DLC1: variants seen among roughly 807,000 people sequenced by gnomAD.
DLC1 encodes the protein DLC1 Rho GTPase activating protein, also known as rho GTPase-activating protein 7.
In DLC1, 54 loss-of-function variants were observed where a neutral mutation model predicts 140.3. That is an observed-to-expected ratio of 0.38 (90% CI 0.31 to 0.48). The LOEUF (loss-of-function observed/expected upper bound fraction) is 0.48. Among genes scored for constraint, DLC1 ranks in the 20% least tolerant of loss-of-function variants. The pLI, the probability that DLC1 is intolerant of heterozygous loss-of-function variation, is 0.96. For missense variants in DLC1, 2,536 were observed against 1,907.0 expected (o/e 1.33, Z -6.14); for synonymous variants, 986 against 728.1 (o/e 1.35, Z -5.70).
intron 5 of DLC1, among the ~76,000 whole-genome samples, chr8:13,275,697 A>G (rs1164308572): frequency 6.6e-6 from 1 of 152,116 alleles, no homozygotes; most frequent in African/African-American, 2.4e-5. Context: ...GCTTTATTAT[A>G]TTTCAAACGC....
At chr8:13,511,543 T>G (rs1182823900) in intron 1 of DLC1, among the ~76,000 whole-genome samples, 1 of 152,166 alleles carries the variant, frequency 6.6e-6, no homozygotes, top group Non-Finnish European at 1.5e-5. Flanking sequence ...GTAAACACTG[T>G]ATTTCTCTAT....
At chr8:13,142,072 C>G (rs773520738) in intron 5 of DLC1, among the ~76,000 whole-genome samples, 1 of 152,172 alleles carries the variant, frequency 6.6e-6, no homozygotes, top group African/African-American at 2.4e-5. Flanking sequence ...TAAATGGTAG[C>G]TTTTTCCCAC....
chr8:13,239,820 T>G (rs924258150), intron 5 of DLC1, among the ~76,000 whole-genome samples: 1 of 152,196 alleles, frequency 6.6e-6, no homozygotes, highest in Non-Finnish European at 1.5e-5. Flanking sequence ...GTAACCCAGA[T>G]AGAAATGCAC....
At chr8:13,450,773 G>T (rs1799002306) in intron 2 of DLC1, among the ~76,000 whole-genome samples, 1 of 151,898 alleles carries the variant, frequency 6.6e-6, no homozygotes, top group Admixed American at 6.6e-5. Context: ...AGGCGCGGTG[G>T]CTCATGCCTG....
intron 2 of DLC1, among the ~76,000 whole-genome samples, chr8:13,434,966 C>G (rs1839052547): frequency 6.6e-6 from 1 of 152,098 alleles, no homozygotes; most frequent in African/African-American, 2.4e-5. Flanking sequence ...AGGCGTGACC[C>G]CCCCCGGCTC....
At chr8:13,274,574 G>A (rs944425980) in intron 5 of DLC1, among the ~76,000 whole-genome samples, 5 of 152,140 alleles carry the variant, frequency 3.3e-5, no homozygotes, top group African/African-American at 4.8e-5. Flanking sequence ...TTGCTGTTAT[G>A]TTTTGACTCC....
intron 5 of DLC1, among the ~76,000 whole-genome samples, chr8:13,250,060 C>T (rs546667009): frequency 6.6e-6 from 1 of 152,274 alleles, no homozygotes; most frequent in Admixed American, 6.5e-5. Context: ...GACAGTGAGA[C>T]CCTTCAGGGC....
At chr8:13,594,383 C>T (rs1366875998) in intron 1 of DLC1, among the ~76,000 whole-genome samples, 1 of 151,986 alleles carries the variant, frequency 6.6e-6, no homozygotes. Context: ...GTTTCTATGG[C>T]CATTGTTTTG....
intron 7 of DLC1, among the ~76,000 whole-genome samples, chr8:13,109,585 CA>C (rs987569652): frequency 8.9e-5 from 11 of 123,200 alleles, no homozygotes; most frequent in Non-Finnish European, 1.7e-4. Context: ...AAATAAAAAA[CA>C]GAACAAAAAA....
chr8:13,521,549 C>G (rs1371355983), intron 1 of DLC1, among the ~76,000 whole-genome samples: 1 of 152,182 alleles, frequency 6.6e-6, no homozygotes, highest in African/African-American at 2.4e-5. Flanking sequence ...TGCCTGTCTT[C>G]AGTCCCCTCA....
chr8:13,579,245 C>CATATATATATATATATATATATATAT (rs749246152), intron 1 of DLC1, among the ~76,000 whole-genome samples: 1 of 18,906 alleles, frequency 5.3e-5, no homozygotes, highest in Non-Finnish European at 1.0e-4. Flanking sequence ...GAACAGGGAG[C>CATATATATATATATATATATATATAT]ATATATATAT....
intron 4 of DLC1, among the ~76,000 whole-genome samples, chr8:13,384,906 C>G (rs528259230): frequency 3.3e-5 from 5 of 150,004 alleles, no homozygotes; most frequent in Admixed American, 1.4e-4. Context: ...CAGGCTTATC[C>G]TAGAGGCTGG....
chr8:13,499,069 C>T lies in DLC1; in HGVS notation c.1003G>A (p.Val335Ile). 6.2e-7 allele frequency: 1 copy of T among 1,611,972 alleles called. No individual in the cohort carries two copies. The highest frequency in any genetic ancestry group is 8.5e-7 in the Non-Finnish European group (1 of 1,179,090). Residue 335 changes from valine (V) to isoleucine (I), a missense_variant, in exon 2 of 18, where the codon GTC (valine) becomes ATC (isoleucine). Val to Ile is a conservative substitution (Grantham distance 29). Transcript: ENST00000276297. ...LATQEPTDNQ[V>I]RLRKRKEIRE... ...CTTACCTTTCTCTTACGAAGTCTGA[C>T]TTGGTTATCTGTGGGTTCCTGGGTG...
At chr8:13,384,169 T>C (rs1242114843) in intron 4 of DLC1, among the ~76,000 whole-genome samples, 1 of 152,202 alleles carries the variant, frequency 6.6e-6, no homozygotes, top group Non-Finnish European at 1.5e-5. Context: ...GAGATTAATA[T>C]CTTGTGGACC....
chr8:13,373,511 G>T (rs988447631), intron 4 of DLC1, among the ~76,000 whole-genome samples: 1 of 152,114 alleles, frequency 6.6e-6, no homozygotes, highest in African/African-American at 2.4e-5. Flanking sequence ...ATATGTGTCT[G>T]TTTAATACAC....
intron 1 of DLC1, among the ~76,000 whole-genome samples, chr8:13,507,841 T>C (rs1188350350): frequency 6.6e-6 from 1 of 152,212 alleles, no homozygotes; most frequent in African/African-American, 2.4e-5. Flanking sequence ...TAAGTAGTGT[T>C]TCACTTTTTC....
chr8:13,516,734 T>G (rs1228472632), upstream of DLC1, among the ~76,000 whole-genome samples: 1 of 152,200 alleles, frequency 6.6e-6, no homozygotes, highest in Non-Finnish European at 1.5e-5. Context: ...TTCCATAAAT[T>G]CTTTAAAAAG....
At chr8:13,586,479 C>T (rs1022597235) in intron 1 of DLC1, among the ~76,000 whole-genome samples, 8 of 152,006 alleles carry the variant, frequency 5.3e-5, no homozygotes, top group Non-Finnish European at 1.2e-4. Flanking sequence ...AATGTGTTCT[C>T]ATGGGGGAGA....
chr8:13,473,490 G>A (rs531754294), intron 2 of DLC1, among the ~76,000 whole-genome samples: 26 of 152,226 alleles, frequency 1.7e-4, no homozygotes, highest in African/African-American at 3.6e-4. Flanking sequence ...CCAGTAGAGC[G>A]GGGTGCTGCT....
Sources: gnomAD v4.1 joint callset for allele counts (sites outside exome capture counted in the v4.1 genomes callset) on GRCh38, gnomAD v4.1.1 for gene constraint, MANE v1.5 for transcripts, NCBI Gene and HGNC (gene_info 2026-07-23, HGNC 2026-07-21) for gene names.